The following ARAP2 variants were observed in gnomAD, a reference collection of about 807,000 sequenced individuals.
The protein encoded by ARAP2 is arf-GAP with Rho-GAP domain, ANK repeat and PH domain-containing protein 2.
A neutral mutation model predicts 194.5 loss-of-function variants in ARAP2; 148 were observed. The ratio of observed to expected loss-of-function variants is 0.76; its 90% CI spans 0.67 to 0.87. The LOEUF is 0.87. Among genes scored for constraint, ARAP2 ranks in the 40% least tolerant of loss-of-function variants. ARAP2 has a pLI of 0.00. For missense variants in ARAP2, 2,128 were observed against 1,989.7 expected (o/e 1.07, Z -1.32); for synonymous variants, 695 against 683.5 (o/e 1.02, Z -0.26).
At chr4:36,204,826 T>C (rs991563136) in intron 6 of ARAP2, among the ~76,000 whole-genome samples, 17 of 151,208 alleles carry the variant, frequency 1.1e-4, no homozygotes, top group African/African-American at 3.9e-4. Flanking sequence ...CCGTCTCTAC[T>C]AAAAATACAA....
chr4:36,239,912 T>C (rs1753192792), intron 1 of ARAP2, among the ~76,000 whole-genome samples: 1 of 152,198 alleles, frequency 6.6e-6, no homozygotes, highest in African/African-American at 2.4e-5. Flanking sequence ...CTTACAAGTA[T>C]GGTAACACCA....
Position 36,067,959 on chromosome 4 carries a change from T to G in ARAP2, c.5063A>C (p.Gln1688Pro), listed in dbSNP as rs1431465598. 6.2e-7 allele frequency: 1 copy of G among 1,613,740 alleles called. No homozygotes were observed. The highest frequency in any genetic ancestry group is 1.3e-5 in the African/African-American group (1 of 74,922). The change falls in exon 33 of 33, where the codon CAA becomes CCA. Residue 1688 changes from glutamine (Q) to proline (P), a missense_variant. Gln to Pro is a moderately conservative substitution (Grantham distance 76, BLOSUM62 -1). Coordinates refer to ENST00000303965, the MANE Select transcript of ARAP2 (RefSeq NM_015230.4). ...TTCTTTTGGAAGGGTTCTTGACCGTTGTAGAACCACATTAAGTTCTTCAAT... is the reference window on the plus strand; with the variant it reads ...TTCTTTTGGAAGGGTTCTTGACCGTGGTAGAACCACATTAAGTTCTTCAAT... ...RVIEELNVVL[Q>P]RSRTLPKELQ...
At chr4:36,137,603 T>C (rs1727149312) in intron 19 of ARAP2, among the ~76,000 whole-genome samples, 1 of 151,758 alleles carries the variant, frequency 6.6e-6, no homozygotes, top group Non-Finnish European at 1.5e-5. Context: ...TAGACTGTCA[T>C]TGAGCTTTTG....
At chr4:36,184,719 A>G (rs6827569) in intron 8 of ARAP2, among the ~76,000 whole-genome samples, 136,758 of 152,234 alleles carry the variant, frequency 0.9, 61,556 homozygotes, top group East Asian at 1. Context: ...TGCAGGCTAC[A>G]TAGCAATGTG....
chr4:36,084,418 C>T (rs750548206), intron 28 of ARAP2, among the ~76,000 whole-genome samples: 31 of 152,080 alleles, frequency 2.0e-4, no homozygotes, highest in Middle Eastern at 3.4e-3. Flanking sequence ...TATATATCTT[C>T]GTGTTGTTTT....
chr4:36,175,372 G>GTTTTTCA (rs1464927057), intron 9 of ARAP2, among the ~76,000 whole-genome samples: 1 of 152,180 alleles, frequency 6.6e-6, no homozygotes, highest in African/African-American at 2.4e-5. Context: ...ATGTCACCAG[G>GTTTTTCA]TTTTTCACAT....
chr4:36,183,792 G>A (rs972492810), intron 8 of ARAP2, among the ~76,000 whole-genome samples: 1 of 152,170 alleles, frequency 6.6e-6, no homozygotes, highest in African/African-American at 2.4e-5. Context: ...GGAGGGATAG[G>A]AGCCTTAGAA....
At chr4:36,032,211 C>T (rs4832985) in intron 5 of ARAP2, among the ~76,000 whole-genome samples, 44,482 of 151,954 alleles carry the variant, frequency 0.29, 8,324 homozygotes, top group East Asian at 0.63. Context: ...GGCCTAACAG[C>T]ATTCACAGGT....
intron 26 of ARAP2, among the ~76,000 whole-genome samples, chr4:36,109,689 G>A (rs1719347693): frequency 6.6e-6 from 1 of 151,764 alleles, no homozygotes. Flanking sequence ...TATAAAATAA[G>A]CACTCCCTTT....
At chr4:36,155,483 G>A (rs771733824) in intron 15 of ARAP2, among the ~76,000 whole-genome samples, 59 of 152,154 alleles carry the variant, frequency 3.9e-4, no homozygotes, top group Admixed American at 3.1e-3. Context: ...CAGGTGAAAA[G>A]GTCCAGAAGA....
intron 19 of ARAP2, among the ~76,000 whole-genome samples, chr4:36,136,818 TGC>T (rs10551785): frequency 0.27 from 37,846 of 140,460 alleles, 5,480 homozygotes; most frequent in South Asian, 0.39. Flanking sequence ...TGTGTGTGTG[TGC>T]GTGTCTGTGT....
At chr4:36,192,563 G>A (rs957473625) in intron 7 of ARAP2, among the ~76,000 whole-genome samples, 4 of 152,118 alleles carry the variant, frequency 2.6e-5, no homozygotes, top group Non-Finnish European at 5.9e-5. Context: ...AATCAAACCA[G>A]AAAAGGTTAC....
intron 24 of ARAP2, among the ~76,000 whole-genome samples, chr4:36,118,304 A>C (rs993714654): frequency 3.1e-4 from 47 of 150,848 alleles, no homozygotes; most frequent in Non-Finnish European, 4.5e-4. Flanking sequence ...AAAAAAAAAA[A>C]AACTTAAAAA....
At chr4:36,143,283 G>A (rs895874473) in intron 19 of ARAP2, among the ~76,000 whole-genome samples, 2 of 151,444 alleles carry the variant, frequency 1.3e-5, no homozygotes, top group East Asian at 1.9e-4. Context: ...CTATGGACAC[G>A]TTTTCTAATA....
chr4:36,119,811 A>T (rs562783481), intron 23 of ARAP2, 93 bp from the exon 24 acceptor site: 11 of 840,098 alleles, frequency 1.3e-5, no homozygotes, highest in African/African-American at 1.7e-5. Context: ...TTTAAATACT[A>T]ACAACTTAAA....
Position 36,050,223 on chromosome 4 carries a change from C to G in ARAP2, n.369+1783G>C, listed in dbSNP as rs537711430. On this transcript the variant is annotated intron_variant and non_coding_transcript_variant, in intron 3 of 12. Transcript: ENST00000503225. ...AAATGCTTTGTATTCTAAATACATA[C>G]AGCATGCTTTGGCAGAGAGCATCTG... is the stretch of plus-strand genomic sequence containing the variant. Among the ~76,000 whole-genome samples, 343 of 152,282 alleles carry G rather than the reference C, an allele frequency of 2.3e-3. 1 individual carries two copies. The highest frequency in any genetic ancestry group is 7.4e-3 in the African/African-American group (308 of 41,574).
At chr4:36,017,564 T>TAAAAAGAAA (rs1716067454) in intron 6 of ARAP2, among the ~76,000 whole-genome samples, 1 of 42,578 alleles carries the variant, frequency 2.3e-5, no homozygotes, top group Non-Finnish European at 3.8e-5. Context: ...AAGAAAGTGG[T>TAAAAAGAAA]AAAAAAAAAA....
chr4:36,040,646 G>C (rs1372842501), intron 5 of ARAP2, among the ~76,000 whole-genome samples: 5 of 152,086 alleles, frequency 3.3e-5, no homozygotes, highest in African/African-American at 1.2e-4. Flanking sequence ...TCTTGGCTTG[G>C]CCGTTGGTGT....
intron 3 of ARAP2, among the ~76,000 whole-genome samples, chr4:36,050,446 A>AGGTT (rs1722479313): frequency 6.6e-6 from 1 of 152,202 alleles, no homozygotes; most frequent in African/African-American, 2.4e-5. Flanking sequence ...AGAAAAACGT[A>AGGTT]TTACACTGCA....
Sources: gnomAD v4.1 joint callset for allele counts (sites outside exome capture counted in the v4.1 genomes callset) on GRCh38, gnomAD v4.1.1 for gene constraint, MANE v1.5 for transcripts, NCBI Gene and HGNC (gene_info 2026-07-23, HGNC 2026-07-21) for gene names.